The following LHFPL6 variants were observed in gnomAD, a reference collection of about 807,000 sequenced individuals.
The protein encoded by LHFPL6 is LHFPL tetraspan subfamily member 6 protein.
A neutral mutation model predicts 20.6 loss-of-function variants in LHFPL6; 9 were observed. That is an observed-to-expected ratio of 0.44 (90% CI 0.26 to 0.76). The LOEUF (loss-of-function observed/expected upper bound fraction) is 0.76. LHFPL6 is among the 30% of genes least tolerant of loss of function. LHFPL6 has a pLI of 0.20. For missense variants in LHFPL6, 218 were observed against 253.5 expected (o/e 0.86, Z 0.95); for synonymous variants, 105 against 98.7 (o/e 1.06, Z -0.38).
At chr13:39,472,375 A>C (rs1872969487) in intron 2 of LHFPL6, among the ~76,000 whole-genome samples, 1 of 152,080 alleles carries the variant, frequency 6.6e-6, no homozygotes, top group Non-Finnish European at 1.5e-5. Context: ...GTTTTCAAGG[A>C]AGACAACTAT....
chr13:39,456,154 A>T (rs1426700025), intron 2 of LHFPL6, among the ~76,000 whole-genome samples: 4 of 152,246 alleles, frequency 2.6e-5, no homozygotes, highest in Non-Finnish European at 4.4e-5. Flanking sequence ...GTTTCTTAAA[A>T]GTGCCTATTA....
At chr13:39,572,457 G>A (rs547686311) in intron 2 of LHFPL6, among the ~76,000 whole-genome samples, 4 of 152,154 alleles carry the variant, frequency 2.6e-5, no homozygotes, top group Admixed American at 1.3e-4. Flanking sequence ...GTTCCAGTCC[G>A]ATTCTCAATA....
chr13:39,472,764 A>G (rs527890140), intron 2 of LHFPL6, among the ~76,000 whole-genome samples: 2 of 151,974 alleles, frequency 1.3e-5, no homozygotes, highest in East Asian at 3.9e-4. Context: ...ACCCGACACC[A>G]CGCCCAGCTA....
chr13:39,543,953 A>G (rs1870891828), intron 2 of LHFPL6, among the ~76,000 whole-genome samples: 1 of 152,230 alleles, frequency 6.6e-6, no homozygotes, highest in Non-Finnish European at 1.5e-5. Flanking sequence ...CAGTTTACCT[A>G]CAGCTTCTTT....
chr13:39,552,647 A>G (rs1871173210), intron 2 of LHFPL6, among the ~76,000 whole-genome samples: 1 of 152,242 alleles, frequency 6.6e-6, no homozygotes, highest in Non-Finnish European at 1.5e-5. Context: ...GGACTAGCAA[A>G]ACATCATTAA....
At chr13:39,464,224 G>A (rs1004329818) in intron 2 of LHFPL6, among the ~76,000 whole-genome samples, 1 of 152,220 alleles carries the variant, frequency 6.6e-6, no homozygotes, top group African/African-American at 2.4e-5. Context: ...GAAACTCCAT[G>A]AGGATGGGTG....
At chr13:39,483,868 T>C (rs1868623858) in intron 2 of LHFPL6, among the ~76,000 whole-genome samples, 1 of 152,214 alleles carries the variant, frequency 6.6e-6, no homozygotes, top group Admixed American at 6.5e-5. Context: ...TTTTAACATG[T>C]ATAAGAGACC....
intron 2 of LHFPL6, among the ~76,000 whole-genome samples, chr13:39,516,772 T>G (rs1869934808): frequency 7.4e-6 from 1 of 134,710 alleles, no homozygotes; most frequent in Non-Finnish European, 1.6e-5. Flanking sequence ...AAATTAGATG[T>G]GGATTTACTC....
intron 2 of LHFPL6, among the ~76,000 whole-genome samples, chr13:39,385,706 T>C (rs886766219): frequency 3.3e-5 from 5 of 152,238 alleles, no homozygotes; most frequent in Non-Finnish European, 7.3e-5. Context: ...ACTCTTTCTA[T>C]TCAAACACAG....
intron 2 of LHFPL6, among the ~76,000 whole-genome samples, chr13:39,470,371 C>A (rs1416100499): frequency 2.6e-5 from 4 of 151,996 alleles, no homozygotes; most frequent in Non-Finnish European, 4.4e-5. Context: ...ATTCTTGGTT[C>A]ATTTTTTTTC....
intron 2 of LHFPL6, among the ~76,000 whole-genome samples, chr13:39,523,507 T>TGCAGTGAGCCGAGATC (rs933942463): frequency 1.4e-5 from 2 of 144,594 alleles, no homozygotes; most frequent in African/African-American, 2.6e-5. Flanking sequence ...GGGCGGAGCC[T>TGCAGTGAGCCGAGATC]GCAGTGAGCC....
chr13:39,598,552 ATTTAT>A (rs1872835807), intron 2 of LHFPL6, among the ~76,000 whole-genome samples: 1 of 151,678 alleles, frequency 6.6e-6, no homozygotes, highest in South Asian at 2.1e-4. Flanking sequence ...ATTTATCTTT[ATTTAT>A]TTTATTTATT....
At chr13:39,370,504 A>G (rs1439173614) in intron 3 of LHFPL6, among the ~76,000 whole-genome samples, 1 of 152,240 alleles carries the variant, frequency 6.6e-6, no homozygotes, top group African/African-American at 2.4e-5. Flanking sequence ...TGCATGTTCA[A>G]TACCTTACTA....
At chr13:39,555,155 G>A (rs1015866017) in intron 2 of LHFPL6, among the ~76,000 whole-genome samples, 7 of 152,052 alleles carry the variant, frequency 4.6e-5, no homozygotes, top group African/African-American at 1.7e-4. Context: ...ACTCCTACTC[G>A]GAAACTGACA....
At chr13:39,598,680 G>A (rs747182165) in intron 2 of LHFPL6, among the ~76,000 whole-genome samples, 11 of 149,542 alleles carry the variant, frequency 7.4e-5, no homozygotes, top group Admixed American at 1.3e-4. Context: ...CTCAGCCTCC[G>A]AAGTAGCAGG....
chr13:39,358,292 G>A (rs956649445), intron 3 of LHFPL6, among the ~76,000 whole-genome samples: 1 of 152,126 alleles, frequency 6.6e-6, no homozygotes, highest in Non-Finnish European at 1.5e-5. Context: ...GTAAGCAATG[G>A]GGAAACGATT....
intron 2 of LHFPL6, among the ~76,000 whole-genome samples, chr13:39,491,416 G>GA: frequency 6.6e-6 from 1 of 152,190 alleles, no homozygotes; most frequent in Non-Finnish European, 1.5e-5. Context: ...GAGAAGGCCT[G>GA]AAAGAGAGTG....
intron 2 of LHFPL6, among the ~76,000 whole-genome samples, chr13:39,500,929 A>T (rs1027393438): frequency 1.3e-5 from 2 of 150,412 alleles, no homozygotes; most frequent in African/African-American, 5.0e-5. Context: ...ACTTAGGAAA[A>T]CACAGATTGC....
intron 3 of LHFPL6, among the ~76,000 whole-genome samples, chr13:39,357,918 C>T (rs1869770147): frequency 6.6e-6 from 1 of 152,042 alleles, no homozygotes; most frequent in African/African-American, 2.4e-5. Flanking sequence ...AGCTACCAAC[C>T]ATTAATATCA....
Sources: allele counts gnomAD v4.1 joint callset (sites outside exome capture counted in the v4.1 genomes callset), GRCh38; gene constraint gnomAD v4.1.1; transcripts MANE v1.5; gene names NCBI Gene and HGNC (gene_info 2026-07-23, HGNC 2026-07-21).